The following EGLN1 variants were observed in gnomAD, a reference collection of about 807,000 sequenced individuals.
The protein encoded by EGLN1 is egl nine homolog 1.
A neutral mutation model predicts 38.3 loss-of-function variants in EGLN1; 17 were observed. The observed-to-expected ratio is 0.44, with a 90% CI of 0.30 to 0.67. The LOEUF (loss-of-function observed/expected upper bound fraction) is 0.67. Ranked by LOEUF, EGLN1 falls within the 30% of genes least tolerant of loss-of-function variation. The pLI is 0.08. For synonymous variants in EGLN1, 283 were observed against 257.5 expected (o/e 1.10, Z -0.95); for missense variants, 477 against 603.3 (o/e 0.79, Z 2.19).
chr1:231,382,619 C>T (rs1263898052), intron 1 of EGLN1, among the ~76,000 whole-genome samples: 1 of 152,188 alleles, frequency 6.6e-6, no homozygotes, highest in Non-Finnish European at 1.5e-5. Context: ...TAATGGCCTA[C>T]TATTAGGGAC....
chr1:231,406,840 C>T (rs952677245), intron 1 of EGLN1, among the ~76,000 whole-genome samples: 1 of 152,072 alleles, frequency 6.6e-6, no homozygotes, highest in Non-Finnish European at 1.5e-5. Context: ...GAGACGCTAG[C>T]TTATATGACC....
chr1:231,390,477 T>A (rs192527170), intron 1 of EGLN1, among the ~76,000 whole-genome samples: 42 of 152,236 alleles, frequency 2.8e-4, no homozygotes, highest in Non-Finnish European at 4.7e-4. Flanking sequence ...TCTCATTTTG[T>A]AGACAAAGAA....
intron 1 of EGLN1, among the ~76,000 whole-genome samples, chr1:231,412,819 G>A (rs552286742): frequency 6.6e-6 from 1 of 152,300 alleles, no homozygotes; most frequent in African/African-American, 2.4e-5. Context: ...GTGGGGGCAA[G>A]AGAAGAAAAG....
chr1:231,396,825 C>T (rs113130043), intron 1 of EGLN1, among the ~76,000 whole-genome samples: 8 of 152,280 alleles, frequency 5.3e-5, no homozygotes, highest in African/African-American at 1.2e-4. Context: ...AGTCTCCCTA[C>T]GGAAACTTAG....
chr1:231,387,372 T>C (rs1262582006), intron 1 of EGLN1, among the ~76,000 whole-genome samples: 2 of 150,568 alleles, frequency 1.3e-5, no homozygotes, highest in Non-Finnish European at 3.0e-5. Context: ...TTTTTTTTTT[T>C]TTTTTGTGAC....
chr1:231,396,433 T>C (rs900468007), intron 1 of EGLN1, among the ~76,000 whole-genome samples: 23 of 152,080 alleles, frequency 1.5e-4, no homozygotes, highest in Admixed American at 1.5e-3. Flanking sequence ...TTTGTACTTT[T>C]AGTAGAGACG....
rs1687622439 is a variant in EGLN1 at position 231,365,567 on chromosome 1, G to C, written c.*844C>G. 6.6e-6 allele frequency: 1 copy of C among 152,380 alleles called. No homozygotes were observed. Among genetic ancestry groups the C allele is most frequent in the Non-Finnish European group, 1.5e-5 (1 of 68,198 alleles). The allele number at this position is 152,380 out of a possible 1,614,324, so 9.4% of individuals were successfully genotyped here. On this transcript the variant is annotated 3_prime_UTR_variant, in exon 5 of 5. Coordinates refer to ENST00000366641, the MANE Select transcript of EGLN1 (RefSeq NM_022051.3). ...GTGGGAGGATTGCTTGAACCTGGGA[G>C]GCGGAGGTTGCAGTGAGCCAAGAAT...
chr1:231,378,674 A>G (rs561700456), intron 1 of EGLN1, among the ~76,000 whole-genome samples: 3 of 152,342 alleles, frequency 2.0e-5, no homozygotes, highest in Admixed American at 1.3e-4. Context: ...AGAGGTCCGC[A>G]ATGCCTCTGA....
At chr1:231,384,563 T>C (rs541871382) in intron 1 of EGLN1, among the ~76,000 whole-genome samples, 2 of 152,244 alleles carry the variant, frequency 1.3e-5, no homozygotes, top group African/African-American at 4.8e-5. Flanking sequence ...GCAATGGGCC[T>C]GGCATATCTG....
At chr1:231,381,919 G>C (rs1038421028) in intron 1 of EGLN1, among the ~76,000 whole-genome samples, 6 of 152,130 alleles carry the variant, frequency 3.9e-5, no homozygotes, top group Non-Finnish European at 7.4e-5. Flanking sequence ...AAGGAGACTG[G>C]GGATCCTGAG....
chr1:231,387,497 C>A (rs1688252498), intron 1 of EGLN1, among the ~76,000 whole-genome samples: 1 of 151,698 alleles, frequency 6.6e-6, no homozygotes, highest in Non-Finnish European at 1.5e-5. Flanking sequence ...GTAGCTGGGA[C>A]TACAGGTGCC....
In EGLN1 at chr1:231,364,220, G is replaced by T. The variant is rs1233109663; in HGVS notation, c.*2191C>A. ...GAATCTAATACTTTTTACAACTGTA[G>T]AGGTACACATTTGAATGACAACAGG... is the stretch of plus-strand genomic sequence containing the variant. On this transcript the variant is annotated 3_prime_UTR_variant, in exon 5 of 5. Coordinates refer to ENST00000366641, the MANE Select transcript of EGLN1 (RefSeq NM_022051.3). The T allele has an allele frequency of 6.6e-6, 1 of 152,200 alleles. No homozygotes were observed. Among genetic ancestry groups the T allele is most frequent in the Non-Finnish European group, 1.5e-5 (1 of 68,050 alleles). The allele number at this position is 152,200 out of a possible 1,614,324, so 9.4% of individuals were successfully genotyped here. A position where few individuals can be genotyped will look rare whatever the true frequency, so the allele number is the denominator to read the frequency against.
In EGLN1 at chr1:231,370,645, G is replaced by A. The variant is rs746279366; in HGVS notation, c.1065C>T (p.Asp355=). The A allele has an allele frequency of 3.7e-6, 6 of 1,614,026 alleles. No individual in the cohort carries two copies. In the East Asian group the frequency reaches 8.9e-5, roughly 24 times the overall value. The change falls in exon 3 of 5, where the codon GAC becomes GAT. Residue 355 remains aspartate, a synonymous_variant. Coordinates refer to ENST00000366641, the MANE Select transcript of EGLN1 (RefSeq NM_022051.3). ...GCAGTCTATCAAATTTGGGTTCAAT[G>A]TCAGCAAACTGGGCTTTGCCTTCTG... is the stretch of plus-strand genomic sequence containing the variant. ...IFPEGKAQFA[D]IEPKFDRLLF...
At chr1:231,418,157 C>A (rs1023749465) in intron 1 of EGLN1, among the ~76,000 whole-genome samples, 1 of 152,142 alleles carries the variant, frequency 6.6e-6, no homozygotes, top group African/African-American at 2.4e-5. Context: ...CATAAAAAAA[C>A]CATATTCTGA....
chr1:231,371,812 T>TAA (rs1687831059), intron 2 of EGLN1, among the ~76,000 whole-genome samples: 1 of 152,082 alleles, frequency 6.6e-6, no homozygotes, highest in Non-Finnish European at 1.5e-5. Context: ...GGTAGACTCT[T>TAA]AAAATTTAAA....
Position 231,421,414 on chromosome 1 carries a change from TCTC to T in EGLN1, c.472_474del (p.Glu158del), listed in dbSNP as rs747045922. On this transcript the variant is annotated inframe_deletion, in exon 1 of 5. Coordinates refer to ENST00000366641, the MANE Select transcript of EGLN1 (RefSeq NM_022051.3). This position sits in a 1 kb window ranked among gnomAD's most constrained non-coding sequence, Gnocchi z 5.5. ...TTGCTTGGGGGGTACAGGTTCGCCT[TCTC>T]CTGGAACAGCGATGAGCGGGCCGGC... The T allele has an allele frequency of 6.3e-6, 10 of 1,591,600 alleles. No individual in the cohort carries two copies. In the African/African-American group the frequency reaches 1.2e-4, roughly 19 times the overall value.
rs112424081 is a variant in EGLN1, at chr1:231,405,592, G to A, written c.891+15406C>T. ...AGATGGAGAGACTGGCAGAGTTGTT[G>A]AGTGCCTTGCTCAGTAGTAGAGAGC... On this transcript the variant is annotated intron_variant, in intron 1 of 4. Coordinates refer to ENST00000366641, the MANE Select transcript of EGLN1 (RefSeq NM_022051.3). 6.9e-3 allele frequency among the ~76,000 whole-genome samples: 1,043 copies of A among 152,220 alleles called. 6 individuals are homozygous for A. Among genetic ancestry groups the A allele is most frequent in the Non-Finnish European group, 0.012 (801 of 68,010 alleles).
intron 1 of EGLN1, among the ~76,000 whole-genome samples, chr1:231,415,975 G>A (rs1450361944): frequency 4.0e-5 from 6 of 151,646 alleles, no homozygotes; most frequent in Non-Finnish European, 8.8e-5. Context: ...AGCCTCCCAA[G>A]TAGCTGGGAC....
intron 1 of EGLN1, among the ~76,000 whole-genome samples, chr1:231,391,185 A>ACCACGACCG (rs1463818444): frequency 1.0e-4 from 15 of 150,464 alleles, no homozygotes; most frequent in South Asian, 2.1e-4. Flanking sequence ...TCATGGGCTC[A>ACCACGACCG]AGTGATCCTC....
Sources: gnomAD v4.1 joint callset for allele counts (sites outside exome capture counted in the v4.1 genomes callset) on GRCh38, gnomAD v4.1.1 for gene constraint, Gnocchi (gnomAD v3.1) non-coding constraint, MANE v1.5 for transcripts, NCBI Gene and HGNC (gene_info 2026-07-23, HGNC 2026-07-21) for gene names.